The following CNBD1 variants were observed in gnomAD, a reference collection of about 807,000 sequenced individuals.
CNBD1 encodes cyclic nucleotide binding domain containing 1.
A neutral mutation model predicts 54.4 loss-of-function variants in CNBD1; 71 were observed. That is an observed-to-expected ratio of 1.30 (90% confidence interval 1.08 to 1.59). The LOEUF (loss-of-function observed/expected upper bound fraction) is 1.59, where lower values mean the gene tolerates loss of function less well. Among genes scored for constraint, CNBD1 ranks in the 40% most tolerant of loss-of-function variants. CNBD1 has a pLI of 0.00. For synonymous variants in CNBD1, 182 were observed against 170.7 expected (o/e 1.07, Z -0.51); for missense variants, 659 against 518.0 (o/e 1.27, Z -2.64).
intron 4 of CNBD1, among the ~76,000 whole-genome samples, chr8:86,979,749 A>G (rs987751858): frequency 6.6e-6 from 1 of 152,188 alleles, no homozygotes; most frequent in Non-Finnish European, 1.5e-5. Context: ...CCCATAAGGT[A>G]TGTTCTTCTA....
At chr8:87,007,811 G>A (rs1489438916) in intron 4 of CNBD1, among the ~76,000 whole-genome samples, 4 of 152,088 alleles carry the variant, frequency 2.6e-5, no homozygotes, top group African/African-American at 7.2e-5. Context: ...AATTTACTAT[G>A]TATTTATTAA....
intron 6 of CNBD1, among the ~76,000 whole-genome samples, chr8:87,262,278 A>G (rs1808158874): frequency 6.6e-6 from 1 of 152,202 alleles, no homozygotes; most frequent in Admixed American, 6.5e-5. Context: ...AAGTTTCAGG[A>G]TAAGCTTTCC....
chr8:87,133,110 A>G (rs545559853), intron 4 of CNBD1, among the ~76,000 whole-genome samples: 1 of 151,946 alleles, frequency 6.6e-6, no homozygotes, highest in Non-Finnish European at 1.5e-5. Context: ...TGATTTTTAT[A>G]TCTTCCACTT....
intron 2 of CNBD1, among the ~76,000 whole-genome samples, chr8:87,410,203 G>A (rs1807717910): frequency 6.6e-6 from 1 of 152,058 alleles, no homozygotes; most frequent in Admixed American, 6.6e-5. Context: ...CAAGAGCTCT[G>A]ATGGAGATCC....
intron 4 of CNBD1, among the ~76,000 whole-genome samples, chr8:87,127,267 T>C (rs1473800165): frequency 2.0e-5 from 3 of 152,116 alleles, no homozygotes; most frequent in Non-Finnish European, 4.4e-5. Flanking sequence ...ATATTAATAC[T>C]GTGGAGATTT....
rs1554588016 is a variant in CNBD1 at position 87,411,397 on chromosome 8, C to CATATATACATATATATATATATATATAT, written c.214-17142_214-17141insCATATATATATATATATATATATATATA. On this transcript the variant is annotated intron_variant, in intron 2 of 7. Transcript: ENST00000521593. Reference sequence around the variant, plus strand: ...ATAGGCAGGATTAACCTAGCTATATCATATATATATATATATATATATATA... The same window carrying CATATATACATATATATATATATATATAT: ...ATAGGCAGGATTAACCTAGCTATATCATATATACATATATATATATATATATATATATATATATATATATATATATATA... Among the ~76,000 whole-genome samples the CATATATACATATATATATATATATATAT allele has an allele frequency of 2.1e-4, 19 of 92,400 alleles. No homozygotes were observed. In the South Asian group the frequency reaches 3.2e-3, roughly 16 times the overall value. 60.6% of individuals were successfully genotyped at this position (92,400 alleles called of 152,430 possible).
chr8:87,290,243 CAAAG>C (rs1322614191), intron 8 of CNBD1, among the ~76,000 whole-genome samples: 2 of 151,562 alleles, frequency 1.3e-5, no homozygotes, highest in Non-Finnish European at 2.9e-5. Flanking sequence ...GTCTCAAAAA[CAAAG>C]AAAAAAGAGA....
At chr8:87,026,343 T>TCCCTTCTCCCTCCCTC (rs1480571595) in intron 4 of CNBD1, among the ~76,000 whole-genome samples, 2 of 151,842 alleles carry the variant, frequency 1.3e-5, no homozygotes, top group African/African-American at 4.8e-5. Context: ...CTTGCTTCCT[T>TCCCTTCTCCCTCCCTC]CCCTTCTCCC....
chr8:86,991,531 T>C (rs963968644), intron 4 of CNBD1, among the ~76,000 whole-genome samples: 7 of 152,144 alleles, frequency 4.6e-5, no homozygotes, highest in African/African-American at 1.7e-4. Context: ...TTTCCAGTTT[T>C]AGTTATTTCT....
chr8:87,349,664 C>T lies in CNBD1; in HGVS notation c.1043-2021C>T, dbSNP rs148859193. On this transcript the variant is annotated intron_variant, in intron 8 of 10. Coordinates refer to ENST00000518476, the MANE Select transcript of CNBD1 (RefSeq NM_173538.3). ...TGCTGGGATTACAGGCGTGAGCCAC[C>T]GCGCCTGACCAGAATATATGATTTT... 1.8e-3 allele frequency among the ~76,000 whole-genome samples: 268 copies of T among 152,270 alleles called. 1 individual carries two copies. The highest frequency in any genetic ancestry group is 6.0e-3 in the African/African-American group (248 of 41,562).
At chr8:86,993,473 T>G (rs942087780) in intron 4 of CNBD1, among the ~76,000 whole-genome samples, 1 of 152,228 alleles carries the variant, frequency 6.6e-6, no homozygotes, top group African/African-American at 2.4e-5. Context: ...CATTTCAGTC[T>G]GGTTAAGAAC....
chr8:87,339,346 TG>T, intron 8 of CNBD1, among the ~76,000 whole-genome samples: 1 of 151,230 alleles, frequency 6.6e-6, no homozygotes, highest in South Asian at 2.1e-4. Context: ...TCCAACAATT[TG>T]TCAGTTACAA....
At chr8:87,148,313 C>T (rs1217279103) in intron 4 of CNBD1, among the ~76,000 whole-genome samples, 5 of 152,074 alleles carry the variant, frequency 3.3e-5, no homozygotes, top group African/African-American at 4.8e-5. Flanking sequence ...TTAGAGATGG[C>T]GTGATTTGTC....
chr8:87,091,699 AC>A (rs1311460400), intron 4 of CNBD1, among the ~76,000 whole-genome samples: 1 of 152,184 alleles, frequency 6.6e-6, no homozygotes, highest in African/African-American at 2.4e-5. Context: ...ATCAGGAAAT[AC>A]AGTCTTGAGA....
At chr8:87,248,412 G>A (rs1284338260) in intron 6 of CNBD1, among the ~76,000 whole-genome samples, 1 of 152,206 alleles carries the variant, frequency 6.6e-6, no homozygotes, top group East Asian at 1.9e-4. Flanking sequence ...TAGCAATGCA[G>A]TTAGCCACTA....
At chr8:86,956,796 C>G (rs1807783706) in intron 4 of CNBD1, among the ~76,000 whole-genome samples, 1 of 152,178 alleles carries the variant, frequency 6.6e-6, no homozygotes, top group Non-Finnish European at 1.5e-5. Context: ...TTGACTTCCT[C>G]TTTTCCTAAT....
At chr8:86,991,011 T>G (rs1198292571) in intron 4 of CNBD1, among the ~76,000 whole-genome samples, 1 of 152,196 alleles carries the variant, frequency 6.6e-6, no homozygotes, top group Admixed American at 6.5e-5. Context: ...ATAGAAATAC[T>G]ACAAAATTTT....
intron 4 of CNBD1, among the ~76,000 whole-genome samples, chr8:87,190,751 A>G (rs1267092298): frequency 1.3e-5 from 2 of 151,560 alleles, no homozygotes; most frequent in Non-Finnish European, 2.9e-5. Context: ...AGAGTAAGAC[A>G]TTTTCACTAT....
At chr8:87,015,307 C>CGAG (rs1809331565) in intron 4 of CNBD1, among the ~76,000 whole-genome samples, 1 of 152,002 alleles carries the variant, frequency 6.6e-6, no homozygotes, top group African/African-American at 2.4e-5. Flanking sequence ...ATCAGCCTCC[C>CGAG]GAGTAGCTGG....
Sources: gnomAD v4.1 joint callset for allele counts (sites outside exome capture counted in the v4.1 genomes callset) on GRCh38, gnomAD v4.1.1 for gene constraint, MANE v1.5 for transcripts, NCBI Gene and HGNC (gene_info 2026-07-23, HGNC 2026-07-21) for gene names.